PIBF1: variants seen among roughly 807,000 people sequenced by gnomAD.
PIBF1 encodes the protein progesterone-induced-blocking factor 1.
Under a neutral mutation model 112.5 loss-of-function variants are expected in PIBF1, and 90 were observed. The ratio of observed to expected loss-of-function variants is 0.80; its 90% CI spans 0.67 to 0.95. PIBF1 has a LOEUF of 0.95. PIBF1 is among the 40% of genes least tolerant of loss of function. The pLI is 0.00. For missense variants in PIBF1, 915 were observed against 852.3 expected (o/e 1.07, Z -0.92); for synonymous variants, 301 against 288.6 (o/e 1.04, Z -0.44).
chr13:72,982,119 C>A (rs1163823999), intron 16 of PIBF1, among the ~76,000 whole-genome samples: 1 of 152,154 alleles, frequency 6.6e-6, no homozygotes, highest in Non-Finnish European at 1.5e-5. Context: ...TCATTTCCTT[C>A]TGTGTCAAGG....
In PIBF1 at chr13:72,798,008, A is replaced by C. The variant is rs1216593432; in HGVS notation, c.654A>C (p.Gln218His). 1.2e-6 allele frequency: 2 copies of C among 1,604,496 alleles called. No homozygotes were observed. Among genetic ancestry groups the C allele is most frequent in the African/African-American group, 2.7e-5 (2 of 74,318 alleles). Residue 218 changes from glutamine (Q) to histidine (H), a missense_variant, in exon 5 of 18, where the codon CAA becomes CAC. By Grantham distance (24) the Gln-to-His change is conservative. Transcript: ENST00000326291. ...AAGAATTAAGTACAAACAAAAACCA[A>C]CTGAAGCAGCTGACAGAGGTTTGTA... Reference protein sequence around the residue: ...LAEELSTNKNQLKQLTETYEE... With the variant: ...LAEELSTNKNHLKQLTETYEE...
intron 14 of PIBF1, among the ~76,000 whole-genome samples, chr13:72,936,570 A>G (rs1410253096): frequency 6.6e-6 from 1 of 152,222 alleles, no homozygotes; most frequent in Non-Finnish European, 1.5e-5. Flanking sequence ...CATAATTGAA[A>G]CACAACTGTT....
chr13:72,848,641 C>T (rs997007989), intron 9 of PIBF1, among the ~76,000 whole-genome samples: 3 of 151,954 alleles, frequency 2.0e-5, no homozygotes, highest in African/African-American at 7.2e-5. Flanking sequence ...GTCAGGAGAT[C>T]GAGACCACAG....
rs184820397 is a variant in PIBF1, at chr13:72,982,583, A to G, written c.2049+8908A>G. ...TGTTCATATTACTATGTAATTAAGC[A>G]TCTGTCTTACCCATTAGATTGACAA... On this transcript the variant is annotated intron_variant, in intron 16 of 17. Coordinates refer to ENST00000326291, the MANE Select transcript of PIBF1 (RefSeq NM_006346.4). Among the ~76,000 whole-genome samples the G allele has an allele frequency of 5.6e-3, 855 of 152,284 alleles. 10 individuals carry two copies. Among genetic ancestry groups the G allele is most frequent in the African/African-American group, 0.02 (823 of 41,558 alleles).
intron 8 of PIBF1, among the ~76,000 whole-genome samples, chr13:72,829,636 A>G (rs140070401): frequency 0.01 from 1,566 of 152,254 alleles, 17 homozygotes; most frequent in Non-Finnish European, 0.017. Context: ...CCATTGGTCT[A>G]TGTATCTGTT....
intron 14 of PIBF1, among the ~76,000 whole-genome samples, chr13:72,959,767 CA>C (rs1365709321): frequency 6.6e-6 from 1 of 152,144 alleles, no homozygotes; most frequent in Non-Finnish European, 1.5e-5. Context: ...TTCTCTGAAT[CA>C]TATGTACAGG....
At chr13:72,944,300 A>G (rs1200316241) in intron 14 of PIBF1, among the ~76,000 whole-genome samples, 1 of 152,042 alleles carries the variant, frequency 6.6e-6, no homozygotes, top group East Asian at 1.9e-4. Flanking sequence ...TACAAAAATT[A>G]GCTGGGCGTG....
chr13:72,857,555 T>G (rs115491419), intron 10 of PIBF1, among the ~76,000 whole-genome samples: 1 of 152,168 alleles, frequency 6.6e-6, no homozygotes, highest in African/African-American at 2.4e-5. Flanking sequence ...ATACCTATTT[T>G]CAGCTGGACA....
intron 11 of PIBF1, among the ~76,000 whole-genome samples, chr13:72,903,774 C>T (rs190587084): frequency 6.6e-6 from 1 of 152,172 alleles, no homozygotes; most frequent in Admixed American, 6.5e-5. Flanking sequence ...ATTTTCTGCC[C>T]AAATAGAATT....
At chr13:72,870,356 C>T (rs904991387) in intron 10 of PIBF1, among the ~76,000 whole-genome samples, 1 of 152,178 alleles carries the variant, frequency 6.6e-6, no homozygotes, top group Non-Finnish European at 1.5e-5. Flanking sequence ...TTACTGAGTA[C>T]ATCAAAAGGC....
chr13:72,841,150 A>G (rs948662789), intron 9 of PIBF1, among the ~76,000 whole-genome samples: 5 of 152,238 alleles, frequency 3.3e-5, no homozygotes, highest in Non-Finnish European at 5.9e-5. Flanking sequence ...ATATGTATGT[A>G]TGCTTTGGTC....
chr13:72,847,740 C>T (rs1328673701), intron 9 of PIBF1, among the ~76,000 whole-genome samples: 2 of 152,142 alleles, frequency 1.3e-5, no homozygotes, highest in Non-Finnish European at 2.9e-5. Context: ...TTGCTTATTT[C>T]GTTTTTATGT....
chr13:72,836,054 G>GCACC (rs1449969904), intron 9 of PIBF1: 11 of 428,108 alleles, frequency 2.6e-5, no homozygotes, highest in Non-Finnish European at 3.2e-5. Context: ...AGCCGAGATC[G>GCACC]CACCACTACA....
chr13:72,849,076 A>G (rs2038010169), intron 9 of PIBF1, among the ~76,000 whole-genome samples: 1 of 152,208 alleles, frequency 6.6e-6, no homozygotes, highest in Non-Finnish European at 1.5e-5. Context: ...TTTATTTAAG[A>G]TTTATTTTCT....
intron 14 of PIBF1, among the ~76,000 whole-genome samples, chr13:72,943,626 A>T (rs1359306527): frequency 6.6e-6 from 1 of 152,130 alleles, no homozygotes; most frequent in Non-Finnish European, 1.5e-5. Context: ...ATTCTAATCT[A>T]CTTCTCATCC....
Position 72,876,158 on chromosome 13 carries a change from G to A in PIBF1, c.1323-17626G>A, listed in dbSNP as rs1425492322. On this transcript the variant is annotated intron_variant, in intron 10 of 17. Transcript: ENST00000326291. The stretch of plus-strand genomic sequence containing the variant: ...TCTTTTTTTTTTTTTTTTTTTGCAT[G>A]TGAATGTCCTATTGCTCTAGCAACA... 4.8e-4 allele frequency among the ~76,000 whole-genome samples: 13 copies of A among 27,348 alleles called. 1 individual carries two copies. The highest frequency in any genetic ancestry group is 2.2e-3 in the African/African-American group (12 of 5,522). 17.9% of individuals were successfully genotyped at this position (27,348 alleles called of 152,430 possible).
chr13:72,811,984 T>C (rs1481179868), intron 5 of PIBF1, among the ~76,000 whole-genome samples: 2 of 152,334 alleles, frequency 1.3e-5, no homozygotes, highest in East Asian at 1.9e-4. Flanking sequence ...GACTTTTTTT[T>C]CCCTTTGCTA....
chr13:72,865,089 A>G (rs532434659), intron 10 of PIBF1, among the ~76,000 whole-genome samples: 10 of 152,220 alleles, frequency 6.6e-5, no homozygotes, highest in Non-Finnish European at 1.5e-4. Context: ...TTTTGTTACT[A>G]CATAAACCCT....
At chr13:72,828,030 A>G in intron 8 of PIBF1, 116 bp downstream of exon 8, 1 of 438,340 alleles carries the variant, frequency 2.3e-6, no homozygotes, top group Non-Finnish European at 3.8e-6. Flanking sequence ...CTATATGATA[A>G]TACTAAGATA....
Sources: allele counts gnomAD v4.1 joint callset (sites outside exome capture counted in the v4.1 genomes callset), GRCh38; gene constraint gnomAD v4.1.1; transcripts MANE v1.5; gene names NCBI Gene and HGNC (gene_info 2026-07-23, HGNC 2026-07-21).